Variants in POU2F1 observed in about 807,000 individuals in gnomAD.
The protein encoded by POU2F1 is POU domain, class 2, transcription factor 1.
In POU2F1, 16 loss-of-function variants were observed where a neutral mutation model predicts 84.9. That is an observed-to-expected ratio of 0.19 (90% confidence interval 0.13 to 0.29). The LOEUF (loss-of-function observed/expected upper bound fraction) is 0.29, where lower values mean the gene tolerates loss of function less well. Among genes scored for constraint, POU2F1 ranks in the 10% least tolerant of loss-of-function variants. POU2F1 has a pLI of 1.00. For missense variants in POU2F1, 738 were observed against 942.6 expected (o/e 0.78, Z 2.84); for synonymous variants, 368 against 368.3 (o/e 1.00, Z 0.01).
At chr1:167,398,159 A>G in intron 11 of POU2F1, 26 bp downstream of exon 11, 1 of 1,611,376 alleles carries the variant, frequency 6.2e-7, no homozygotes, top group Non-Finnish European at 8.5e-7. Context: ...ACTTTTCTGT[A>G]CATGGGATTG....
At chr1:167,342,142 C>T (rs1159919629) in intron 2 of POU2F1, among the ~76,000 whole-genome samples, 3 of 152,086 alleles carry the variant, frequency 2.0e-5, no homozygotes, top group African/African-American at 7.2e-5. Context: ...AATACCTGTT[C>T]CCATTTAGGA....
intron 1 of POU2F1, among the ~76,000 whole-genome samples, chr1:167,311,616 C>A (rs879869641): frequency 1.2e-4 from 18 of 151,676 alleles, no homozygotes; most frequent in Admixed American, 1.2e-3. Flanking sequence ...GATTCTGGCC[C>A]TGTGTAGGCC....
intron 1 of POU2F1, among the ~76,000 whole-genome samples, chr1:167,223,888 G>T (rs548378254): frequency 2.0e-5 from 3 of 152,302 alleles, no homozygotes; most frequent in South Asian, 2.1e-4. Flanking sequence ...TCAAACTGAT[G>T]ATGTCATTGG....
At chr1:167,391,923 A>C (rs1367516065) in intron 9 of POU2F1, among the ~76,000 whole-genome samples, 1 of 152,178 alleles carries the variant, frequency 6.6e-6, no homozygotes, top group Non-Finnish European at 1.5e-5. Context: ...GGGAATATGT[A>C]ATGATTTTTT....
chr1:167,231,869 G>C (rs1286088764), intron 1 of POU2F1, among the ~76,000 whole-genome samples: 2 of 152,172 alleles, frequency 1.3e-5, no homozygotes, highest in Non-Finnish European at 2.9e-5. Context: ...CAAGAACTGG[G>C]AGTGAGAAGT....
intron 2 of POU2F1, among the ~76,000 whole-genome samples, chr1:167,360,516 T>C (rs1026213260): frequency 6.6e-6 from 1 of 152,230 alleles, no homozygotes; most frequent in African/African-American, 2.4e-5. Flanking sequence ...TGTGGGGCTT[T>C]ATTTTAGAGG....
At chr1:167,359,348 C>T (rs1326254667) in intron 2 of POU2F1, among the ~76,000 whole-genome samples, 1 of 152,188 alleles carries the variant, frequency 6.6e-6, no homozygotes, top group Non-Finnish European at 1.5e-5. Flanking sequence ...CTTGCCTTCT[C>T]CTTCCCTTCC....
chr1:167,301,059 C>T (rs1187715593), intron 1 of POU2F1, among the ~76,000 whole-genome samples: 1 of 152,144 alleles, frequency 6.6e-6, no homozygotes, highest in Non-Finnish European at 1.5e-5. Flanking sequence ...TGTGACCCAC[C>T]GTGCCCAGCT....
In POU2F1 at chr1:167,387,222, C is replaced by T. The variant is rs555434365; in HGVS notation, c.814-2366C>T. On this transcript the variant is annotated intron_variant, in intron 8 of 15. Transcript: ENST00000367866. ...CCTGAGGTTTCTGGAGCTGGGGTAA[C>T]TTATCTGTAACCACCCCATCTAAAG... 8.8e-6 allele frequency: 4 copies of T among 455,988 alleles called. No individual in the cohort carries two copies. The East Asian group carries it at 2.8e-4, about 32-fold the overall frequency. The allele number at this position is 455,988 out of a possible 1,614,324, so 28.2% of individuals were successfully genotyped here.
chr1:167,403,041 G>A (rs1649316700), intron 13 of POU2F1, among the ~76,000 whole-genome samples: 1 of 152,292 alleles, frequency 6.6e-6, no homozygotes, highest in South Asian at 2.1e-4. Flanking sequence ...CTCAAAACTA[G>A]CTAAAAATTT....
chr1:167,412,126 C>G lies in POU2F1; in HGVS notation c.1723C>G (p.Pro575Ala), dbSNP rs748495394. The change falls in exon 14 of 16, where the codon CCT becomes GCT. Residue 575 changes from proline (P) to alanine (A), a missense_variant. By Grantham distance (27) the Pro-to-Ala change is conservative (BLOSUM62 -1). This residue lies in a region of POU2F1 where 319 missense variants were observed against 386.0 expected (regional missense o/e 0.83). Transcript: ENST00000367866. ...ETSTTQTTST[P>A]LSSPLGTSQV... ...CAGCACAACACAGACCACCTCCACTCCTTTGTCCTCCCCTCTTGGGACCAG... is the reference window on the plus strand; with the variant it reads ...CAGCACAACACAGACCACCTCCACTGCTTTGTCCTCCCCTCTTGGGACCAG... 1 of 1,614,222 alleles carries G rather than the reference C, an allele frequency of 6.2e-7. No individual in the cohort carries two copies. Among genetic ancestry groups the G allele is most frequent in the Non-Finnish European group, 8.5e-7 (1 of 1,180,046 alleles).
In POU2F1 at chr1:167,417,798, A is replaced by G. The variant is rs1190533663; in HGVS notation, c.*1988A>G. ...CTTTCCCATTGTCCAGTAAGGCAGT[A>G]AATACAGACACAATGTGTACTTTTG... is the stretch of plus-strand genomic sequence containing the variant. On this transcript the variant is annotated 3_prime_UTR_variant, in exon 16 of 16. Transcript: ENST00000367866. 1 of 152,252 alleles carries G rather than the reference A, an allele frequency of 6.6e-6. No homozygotes were observed. The highest frequency in any genetic ancestry group is 1.5e-5 in the Non-Finnish European group (1 of 68,052). 9.4% of individuals were successfully genotyped at this position (152,252 alleles called of 1,614,324 possible).
At chr1:167,395,178 G>A (rs567172965) in intron 9 of POU2F1, among the ~76,000 whole-genome samples, 1 of 152,296 alleles carries the variant, frequency 6.6e-6, no homozygotes, top group South Asian at 2.1e-4. Context: ...GATTCAGCAA[G>A]AAGAAAAGCT....
intron 2 of POU2F1, among the ~76,000 whole-genome samples, chr1:167,345,347 A>C (rs1244219320): frequency 6.6e-6 from 1 of 152,128 alleles, no homozygotes; most frequent in Non-Finnish European, 1.5e-5. Flanking sequence ...TCAGATAGTA[A>C]GTTTTCAGGT....
chr1:167,340,161 C>T (rs1657736541), intron 2 of POU2F1, among the ~76,000 whole-genome samples: 1 of 152,004 alleles, frequency 6.6e-6, no homozygotes, highest in Non-Finnish European at 1.5e-5. Flanking sequence ...CTCACTGCAA[C>T]CTCCACCTCC....
At chr1:167,314,531 C>T (rs528468263) in intron 1 of POU2F1, among the ~76,000 whole-genome samples, 9 of 152,132 alleles carry the variant, frequency 5.9e-5, no homozygotes, top group African/African-American at 2.2e-4. Context: ...AATCCCAATA[C>T]TTAGGAAGGC....
chr1:167,363,836 TATTC>T (rs1269934912), intron 2 of POU2F1, among the ~76,000 whole-genome samples: 1 of 152,188 alleles, frequency 6.6e-6, no homozygotes, highest in Non-Finnish European at 1.5e-5. Context: ...TATACCTAAT[TATTC>T]ATTCTTATTT....
At chr1:167,294,172 C>CAAAAAAAAAAAA (rs60846607) in intron 1 of POU2F1, among the ~76,000 whole-genome samples, 2 of 30,956 alleles carry the variant, frequency 6.5e-5, no homozygotes, top group Non-Finnish European at 9.0e-5. Context: ...TACTAAAATA[C>CAAAAAAAAAAAA]AAAAAAAAAA....
At chr1:167,291,619 G>A (rs1184213651) in intron 1 of POU2F1, among the ~76,000 whole-genome samples, 1 of 152,130 alleles carries the variant, frequency 6.6e-6, no homozygotes, top group Non-Finnish European at 1.5e-5. Flanking sequence ...TAAGTTAAAG[G>A]AGATTCTAGG....
Sources: gnomAD v4.1 joint callset for allele counts (sites outside exome capture counted in the v4.1 genomes callset) on GRCh38, gnomAD v4.1.1 for gene constraint, gnomAD v4.1.1 regional missense constraint, MANE v1.5 for transcripts, NCBI Gene and HGNC (gene_info 2026-07-23, HGNC 2026-07-21) for gene names.